The following ZNF362 variants were observed in gnomAD, a reference collection of about 807,000 sequenced individuals.
ZNF362 encodes rotund homolog.
A neutral mutation model predicts 42.9 loss-of-function variants in ZNF362; 11 were observed. That is an observed-to-expected ratio of 0.26 (90% CI 0.16 to 0.42). ZNF362 has a LOEUF of 0.42. ZNF362 is among the 20% of genes least tolerant of loss of function. The pLI is 1.00. For missense variants in ZNF362, 362 were observed against 576.2 expected (o/e 0.63, Z 3.81); for synonymous variants, 255 against 257.3 (o/e 0.99, Z 0.09).
the ZNF362 span, among the ~76,000 whole-genome samples, chr1:33,160,718 T>TA: frequency 4.6e-5 from 7 of 152,126 alleles, no homozygotes; most frequent in African/African-American, 1.2e-4. Flanking sequence ...GTCTTTATTT[T>TA]AAAAAAATCA....
the ZNF362 span, among the ~76,000 whole-genome samples, chr1:33,223,872 A>G: frequency 6.6e-6 from 1 of 151,138 alleles, no homozygotes; most frequent in South Asian, 2.1e-4. Flanking sequence ...CAGCCTGGGC[A>G]AAAAGAGTGA....
the ZNF362 span, among the ~76,000 whole-genome samples, chr1:33,232,022 GC>G: frequency 6.6e-6 from 1 of 152,056 alleles, no homozygotes; most frequent in Non-Finnish European, 1.5e-5. Context: ...CTTCTTCCTG[GC>G]TGGAAAGGCC....
chr1:33,240,505 A>G, the ZNF362 span, among the ~76,000 whole-genome samples: 1 of 152,186 alleles, frequency 6.6e-6, no homozygotes, highest in African/African-American at 2.4e-5. Flanking sequence ...AGACACATAC[A>G]TATGTACAAT....
Position 33,294,977 on chromosome 1 carries a change from G to T in ZNF362, c.949G>T (p.Gly317Cys). ...GDRPYKCPHP[G>C]CEKAFTQLSN... Reference sequence around the variant, plus strand: ...CAGACCCTACAAGTGCCCACATCCTGGCTGCGAGAAGGCTTTCACTCAGCT... The same window carrying T: ...CAGACCCTACAAGTGCCCACATCCTTGCTGCGAGAAGGCTTTCACTCAGCT... Residue 317 changes from glycine (G) to cysteine (C), a missense_variant, in exon 7 of 9, where the codon GGC becomes TGC. Transcript: ENST00000539719. The surrounding 1 kb of genome is among the most constrained non-coding windows in gnomAD (Gnocchi z 4.2). 6.2e-7 allele frequency: 1 copy of T among 1,614,074 alleles called. No individual in the cohort carries two copies. Among genetic ancestry groups the T allele is most frequent in the Non-Finnish European group, 8.5e-7 (1 of 1,179,994 alleles).
rs55931056 is a variant in ZNF362, at chr1:33,297,513, C to CTTTT, written c.1147-1403_1147-1400dup. ...GATTTGGTGTATTTACATGATTCCT[C>CTTTT]TTTTTTTTTTTTTTTTTGAGACGGA... On this transcript the variant is annotated intron_variant, in intron 8 of 8. Coordinates refer to ENST00000539719, the MANE Select transcript of ZNF362 (RefSeq NM_152493.3). Among the ~76,000 whole-genome samples, 127 of 121,058 alleles carry CTTTT rather than the reference C, an allele frequency of 1.0e-3. 1 individual carries two copies. Among genetic ancestry groups the CTTTT allele is most frequent in the Non-Finnish European group, 1.4e-3 (86 of 62,284 alleles). 79.4% of individuals were successfully genotyped at this position (121,058 alleles called of 152,430 possible).
the ZNF362 span, among the ~76,000 whole-genome samples, chr1:33,240,371 A>C: frequency 3.2e-3 from 495 of 152,352 alleles, 17 homozygotes; most frequent in East Asian, 0.084. Context: ...TATTATCACC[A>C]TGTGCCAACA....
the ZNF362 span, among the ~76,000 whole-genome samples, chr1:33,245,636 C>T: frequency 6.6e-6 from 1 of 152,274 alleles, no homozygotes; most frequent in Non-Finnish European, 1.5e-5. Flanking sequence ...CAGCAAGTGT[C>T]CCTATAAGAG....
chr1:33,236,959 T>C, the ZNF362 span, among the ~76,000 whole-genome samples: 1 of 151,784 alleles, frequency 6.6e-6, no homozygotes, highest in African/African-American at 2.4e-5. Context: ...TAATCCCAGC[T>C]ACTCGGGAGG....
intron 6 of ZNF362, among the ~76,000 whole-genome samples, chr1:33,284,900 C>T (rs1176586541): frequency 6.6e-6 from 1 of 152,154 alleles, no homozygotes; most frequent in Non-Finnish European, 1.5e-5. Context: ...TGGCCTCTGG[C>T]AGTGTCTGGT....
the ZNF362 span, among the ~76,000 whole-genome samples, chr1:33,244,676 T>C: frequency 1.3e-5 from 2 of 152,330 alleles, no homozygotes; most frequent in East Asian, 3.9e-4. The surrounding 1 kb of genome is among the most constrained non-coding windows in gnomAD (Gnocchi z 4.0). Flanking sequence ...TTTACTCTGC[T>C]GTGTGGCCTT....
the ZNF362 span, among the ~76,000 whole-genome samples, chr1:33,206,463 G>A: frequency 2.6e-5 from 4 of 152,162 alleles, no homozygotes; most frequent in African/African-American, 7.2e-5. Context: ...GCTAAGCATG[G>A]TGATATGAAC....
At chr1:33,165,416 C>T in the ZNF362 span, 1 of 1,485,788 alleles carries the variant, frequency 6.7e-7, no homozygotes, top group African/African-American at 1.4e-5. This position sits in a 1 kb window ranked among gnomAD's most constrained non-coding sequence, Gnocchi z 4.0. Flanking sequence ...CCCCGCCCCT[C>T]GAAGCCCTGC....
At chr1:33,170,185 C>T in the ZNF362 span, among the ~76,000 whole-genome samples, 1 of 152,062 alleles carries the variant, frequency 6.6e-6, no homozygotes, top group Non-Finnish European at 1.5e-5. Context: ...CAAAAATTAG[C>T]CAGGCATGGT....
chr1:33,129,808 C>G, the ZNF362 span, among the ~76,000 whole-genome samples: 1 of 152,164 alleles, frequency 6.6e-6, no homozygotes, highest in African/African-American at 2.4e-5. This position sits in a 1 kb window ranked among gnomAD's most constrained non-coding sequence, Gnocchi z 4.1. Flanking sequence ...GAAGTATCAG[C>G]AAGTCATCAG....
At chr1:33,165,395 T>C in the ZNF362 span, 1 of 1,371,366 alleles carries the variant, frequency 7.3e-7, no homozygotes, top group African/African-American at 1.4e-5. This position sits in a 1 kb window ranked among gnomAD's most constrained non-coding sequence, Gnocchi z 4.0. Context: ...CCGCCCCTCT[T>C]CCCCAGCTGG....
intron 2 of ZNF362, among the ~76,000 whole-genome samples, chr1:33,272,462 G>A (rs1402627468): frequency 1.3e-5 from 2 of 151,724 alleles, no homozygotes; most frequent in African/African-American, 2.4e-5. Flanking sequence ...TCTGGAAGGG[G>A]CGTTTCGTTC....
chr1:33,295,164 C>T lies in ZNF362; in HGVS notation c.1005C>T (p.His335=). The T allele has an allele frequency of 6.2e-7, 1 of 1,614,166 alleles. No homozygotes were observed. The highest frequency in any genetic ancestry group is 8.5e-7 in the Non-Finnish European group (1 of 1,180,028). ...CCCTACAGTCTCACCAGCGCCAGCA[C>T]AACAAGGACAAGCCCTACAAGTGTC... The part of the protein sequence containing the change: ...LSNLQSHQRQ[H]NKDKPYKCPN... The change falls in exon 8 of 9, where the codon CAC becomes CAT. Residue 335 remains histidine, a synonymous_variant. Coordinates refer to ENST00000539719, the MANE Select transcript of ZNF362 (RefSeq NM_152493.3).
At chr1:33,215,809 C>G in the ZNF362 span, among the ~76,000 whole-genome samples, 1 of 151,708 alleles carries the variant, frequency 6.6e-6, no homozygotes, top group African/African-American at 2.4e-5. Context: ...TATGCTGATG[C>G]TTGTAATGTT....
intron 1 of ZNF362, among the ~76,000 whole-genome samples, chr1:33,260,107 C>T (rs1381573902): frequency 6.6e-6 from 1 of 152,182 alleles, no homozygotes; most frequent in South Asian, 2.1e-4. Flanking sequence ...CTAGGCCCTG[C>T]CATGAATTTG....
Sources: gnomAD v4.1 joint callset for allele counts (sites outside exome capture counted in the v4.1 genomes callset) on GRCh38, gnomAD v4.1.1 for gene constraint, Gnocchi (gnomAD v3.1) non-coding constraint, MANE v1.5 for transcripts, NCBI Gene and HGNC (gene_info 2026-07-23, HGNC 2026-07-21) for gene names.